The following RYR2 variants were observed in gnomAD, a reference collection of about 807,000 sequenced individuals.
RYR2 encodes cardiac muscle ryanodine receptor-calcium release channel.
Under a neutral mutation model 601.1 loss-of-function variants are expected in RYR2, and 227 were observed. The ratio of observed to expected loss-of-function variants is 0.38; its 90% CI spans 0.34 to 0.42. The LOEUF is 0.42. Ranked by LOEUF, RYR2 falls within the 10% of genes least tolerant of loss-of-function variation. The pLI is 1.00. For synonymous variants in RYR2, 2,223 were observed against 2,175.1 expected (o/e 1.02, Z -0.61); for missense variants, 4,646 against 6,156.5 (o/e 0.75, Z 8.21).
chr1:237,290,633 A>G (rs1572492754), intron 2 of RYR2, among the ~76,000 whole-genome samples: 1 of 152,340 alleles, frequency 6.6e-6, no homozygotes, highest in East Asian at 1.9e-4. Context: ...CAAATACCAT[A>G]GTATGTAAAG....
chr1:237,332,327 C>G (rs998480496), intron 3 of RYR2, among the ~76,000 whole-genome samples: 3 of 152,026 alleles, frequency 2.0e-5, no homozygotes, highest in African/African-American at 7.2e-5. Flanking sequence ...GGAAGAGAAA[C>G]TTTAGTGACT....
In RYR2 at chr1:237,567,893, T is replaced by TA. The variant is rs3841804; in HGVS notation, c.3423+1119dup. Among the ~76,000 whole-genome samples, 543 of 151,188 alleles carry TA rather than the reference T, an allele frequency of 3.6e-3. 11 individuals are homozygous for TA. In the East Asian group the frequency reaches 0.061, roughly 17 times the overall value. ...TTGAAATTAGGGCAGTTGACCCACTTAGTTTTGAAACATCACATTTCCTGA... is the reference window on the plus strand; with the variant it reads ...TTGAAATTAGGGCAGTTGACCCACTTAAGTTTTGAAACATCACATTTCCTGA... On this transcript the variant is annotated intron_variant, in intron 28 of 104. Transcript: ENST00000366574.
chr1:237,393,588 A>G (rs868254643), intron 10 of RYR2, among the ~76,000 whole-genome samples: 2 of 152,228 alleles, frequency 1.3e-5, no homozygotes, highest in Non-Finnish European at 2.9e-5. Flanking sequence ...ATGGTCAAGG[A>G]TAAAGTTTAA....
intron 3 of RYR2, among the ~76,000 whole-genome samples, chr1:237,344,900 T>A (rs950029964): frequency 6.6e-6 from 1 of 152,002 alleles, no homozygotes; most frequent in Non-Finnish European, 1.5e-5. Context: ...AACCTCTGCC[T>A]CCCGGATTCA....
intron 2 of RYR2, 57 bp downstream of exon 2, chr1:237,270,673 AG>A (rs1689593453): frequency 6.5e-7 from 1 of 1,532,388 alleles, no homozygotes; most frequent in East Asian, 2.4e-5. Context: ...GTGGCATTGA[AG>A]TTATTTATGA....
At chr1:237,432,240 C>T (rs374906024) in intron 12 of RYR2, among the ~76,000 whole-genome samples, 23 of 151,794 alleles carry the variant, frequency 1.5e-4, no homozygotes, top group East Asian at 1.4e-3. Flanking sequence ...AGTTTAATCT[C>T]GAGTGTACTT....
intron 62 of RYR2, among the ~76,000 whole-genome samples, chr1:237,684,508 T>C (rs138833845): frequency 8.0e-4 from 121 of 152,102 alleles, no homozygotes; most frequent in African/African-American, 2.7e-3. Context: ...CGATGAGTAA[T>C]ATGGCAAGTA....
Position 237,503,273 on chromosome 1 carries a change from C to T in RYR2, c.2397-16C>T, listed in dbSNP as rs12081629. The T allele has an allele frequency of 1.1e-4, 172 of 1,577,262 alleles. No homozygotes were observed. The African/African-American group carries it at 1.5e-3, about 14-fold the overall frequency. ...ACACCAGAGATAAAATTGACTCTAA[C>T]GTGCATCCTCTTTAGAGTACGCTTT... On this transcript the variant is annotated splice_polypyrimidine_tract_variant and intron_variant, in intron 21 of 104. Transcript: ENST00000366574.
intron 1 of RYR2, among the ~76,000 whole-genome samples, chr1:237,173,786 G>A (rs887541401): frequency 6.6e-6 from 1 of 152,206 alleles, no homozygotes; most frequent in East Asian, 1.9e-4. Flanking sequence ...GCCGGGCGCG[G>A]TGGCTCACGC....
chr1:237,477,567 G>A (rs1661554044), intron 17 of RYR2, among the ~76,000 whole-genome samples: 2 of 152,100 alleles, frequency 1.3e-5, no homozygotes, highest in African/African-American at 4.8e-5. Context: ...CCATTGTCTG[G>A]TCTGATTGCA....
At position 237,806,293 on chromosome 1, in the gene RYR2, T is replaced by G. The variant is rs377240284; in HGVS notation, c.14298+10T>G. ...TCACAATGGCAAACAGGTAAACAGT[T>G]TATCTTTTTCCTCCCTTGCAGAAAA... is the stretch of plus-strand genomic sequence containing the variant. On this transcript the variant is annotated intron_variant, in intron 99 of 104. Transcript: ENST00000366574. The G allele has an allele frequency of 6.2e-7, 1 of 1,604,756 alleles. No homozygotes were observed. Among genetic ancestry groups the G allele is most frequent in the African/African-American group, 1.3e-5 (1 of 74,642 alleles).
At chr1:237,674,497 G>A (rs983479978) in intron 59 of RYR2, among the ~76,000 whole-genome samples, 4 of 152,118 alleles carry the variant, frequency 2.6e-5, no homozygotes, top group Admixed American at 1.3e-4. Flanking sequence ...GCAACACTTC[G>A]TTGCATAGTA....
intron 14 of RYR2, among the ~76,000 whole-genome samples, chr1:237,447,953 A>C (rs1657587737): frequency 2.2e-5 from 3 of 135,302 alleles, no homozygotes; most frequent in African/African-American, 2.8e-5. Context: ...TCTGCTCTTC[A>C]CTCTCATTCT....
intron 2 of RYR2, among the ~76,000 whole-genome samples, chr1:237,293,136 A>G (rs574458882): frequency 6.6e-6 from 1 of 152,254 alleles, no homozygotes; most frequent in East Asian, 1.9e-4. Context: ...ATCATCATCT[A>G]CCTGGAGATA....
At chr1:237,587,384 G>A (rs1674642102) in intron 29 of RYR2, among the ~76,000 whole-genome samples, 1 of 152,024 alleles carries the variant, frequency 6.6e-6, no homozygotes, top group Admixed American at 6.6e-5. Flanking sequence ...AAAAATGAAA[G>A]CTTGTTTTTT....
intron 10 of RYR2, among the ~76,000 whole-genome samples, chr1:237,404,560 T>A (rs1703687566): frequency 6.6e-6 from 1 of 152,216 alleles, no homozygotes; most frequent in Non-Finnish European, 1.5e-5. Flanking sequence ...CAAATTCTGA[T>A]GTGGCCTCGA....
chr1:237,614,117 C>G lies in RYR2; in HGVS notation c.4989C>G (p.Ala1663=). The change falls in exon 37 of 105, where the codon GCC becomes GCG. Residue 1663 remains alanine, a synonymous_variant. Coordinates refer to ENST00000366574, the MANE Select transcript of RYR2 (RefSeq NM_001035.3). This position sits in a 1 kb window ranked among gnomAD's most constrained non-coding sequence, Gnocchi z 4.3. ...FHYHTLRLYS[A]VCALGNHRVA... is the part of the protein sequence containing the mutation. ...ATCACACTCTCCGGCTCTACTCAGC[C>G]GTCTGTGCTCTTGGGAACCACCGGG... The G allele has an allele frequency of 6.2e-7, 1 of 1,614,014 alleles. No homozygotes were observed. The highest frequency in any genetic ancestry group is 8.5e-7 in the Non-Finnish European group (1 of 1,179,894).
chr1:237,465,197 T>C, intron 16 of RYR2, among the ~76,000 whole-genome samples: 1 of 151,970 alleles, frequency 6.6e-6, no homozygotes, highest in Non-Finnish European at 1.5e-5. Context: ...TCGTAGTATA[T>C]TGAGATTGTT....
rs1573004917 is a variant in RYR2, at chr1:237,591,739, A to G, written c.4161A>G (p.Arg1387=). ...TTGTTAGTCCTCTGAAATATTTCAGATTTTTGCTTAGAAGAACAAAGCCAG... is the reference window on the plus strand; with the variant it reads ...TTGTTAGTCCTCTGAAATATTTCAGGTTTTTGCTTAGAAGAACAAAGCCAG... ...AQEKPSRLKQ[R]FLLRRTKPDY... The change falls in exon 32 of 105, where the codon AGA becomes AGG. Residue 1387 remains arginine (R), a splice_region_variant and synonymous_variant. Transcript: ENST00000366574. 6.2e-7 allele frequency: 1 copy of G among 1,610,302 alleles called. No individual in the cohort carries two copies.
Sources: allele counts gnomAD v4.1 joint callset (sites outside exome capture counted in the v4.1 genomes callset), GRCh38; gene constraint gnomAD v4.1.1; non-coding constraint Gnocchi (gnomAD v3.1); transcripts MANE v1.5; gene names NCBI Gene and HGNC (gene_info 2026-07-23, HGNC 2026-07-21).